Variants in CD180 observed in about 807,000 individuals in gnomAD.
CD180 encodes CD180 molecule, also known as CD180 antigen.
A neutral mutation model predicts 10.7 loss-of-function variants in CD180; 11 were observed. The ratio of observed to expected loss-of-function variants is 1.03; its 90% CI spans 0.65 to 1.70. The LOEUF (loss-of-function observed/expected upper bound fraction) is 1.70, where lower values mean the gene tolerates loss of function less well. CD180 is among the 40% of genes most tolerant of loss of function. The pLI, the probability that CD180 is intolerant of heterozygous loss-of-function variation, is 0.00. For synonymous variants in CD180, 286 were observed against 294.6 expected (o/e 0.97, Z 0.30); for missense variants, 729 against 775.2 (o/e 0.94, Z 0.71).
At position 67,179,700 on chromosome 5, in the gene CD180, C is replaced by A. The variant is rs1742001708; in HGVS notation, c.*3157G>T. On this transcript the variant is annotated 3_prime_UTR_variant, in exon 3 of 3. Coordinates refer to ENST00000256447, the MANE Select transcript of CD180 (RefSeq NM_005582.3). Reference sequence around the variant, plus strand: ...TAAGAATGGCACGACAGTTTTCTGTCTTGGAATTTTACAGATATTGCCTGT... The same window carrying A: ...TAAGAATGGCACGACAGTTTTCTGTATTGGAATTTTACAGATATTGCCTGT... 6.6e-6 allele frequency: 1 copy of A among 152,242 alleles called. No individual in the cohort carries two copies. The highest frequency in any genetic ancestry group is 2.1e-4 in the South Asian group (1 of 4,830). 9.4% of individuals were successfully genotyped at this position (152,242 alleles called of 1,614,324 possible).
intron 2 of CD180, among the ~76,000 whole-genome samples, chr5:67,185,322 C>CAT (rs1742169494): frequency 6.6e-6 from 1 of 151,132 alleles, no homozygotes; most frequent in Non-Finnish European, 1.5e-5. Context: ...CACACACACA[C>CAT]ACACACGCAG....
intron 1 of CD180, among the ~76,000 whole-genome samples, chr5:67,195,418 T>C (rs1178815234): frequency 6.6e-6 from 1 of 152,208 alleles, no homozygotes; most frequent in African/African-American, 2.4e-5. Flanking sequence ...GGTTTTGCCA[T>C]GTTGCCCAGA....
chr5:67,185,829 C>T (rs756455011), intron 2 of CD180, 22 bp downstream of exon 2: 2 of 1,525,470 alleles, frequency 1.3e-6, no homozygotes, highest in Admixed American at 4.3e-5. Flanking sequence ...TAAAAGAGCA[C>T]ACAAATAACT....
chr5:67,184,483 C>T lies in CD180; in HGVS notation c.360G>A (p.Ser120=), dbSNP rs774348207. ...GNPLIFMAET[S]LNGPKSLKHL... is the part of the protein sequence containing the mutation. ...GCTTCAGTGACTTGGGCCCATTAAG[C>T]GATGTTTCTGCCATGAATATCAGGG... Residue 120 remains serine (S), a synonymous_variant, in exon 3 of 3, where the codon TCG becomes TCA. Transcript: ENST00000256447. The T allele has an allele frequency of 3.3e-5, 53 of 1,613,952 alleles. No individual in the cohort carries two copies. The highest frequency in any genetic ancestry group is 9.9e-5 in the South Asian group (9 of 91,082).
intron 1 of CD180, among the ~76,000 whole-genome samples, chr5:67,192,754 C>G (rs1197613884): frequency 6.6e-6 from 1 of 152,164 alleles, no homozygotes; most frequent in Non-Finnish European, 1.5e-5. Context: ...AACATGAGAT[C>G]TGGGCAGGGA....
At chr5:67,187,847 C>T (rs1441271983) in intron 1 of CD180, among the ~76,000 whole-genome samples, 1 of 152,138 alleles carries the variant, frequency 6.6e-6, no homozygotes, top group African/African-American at 2.4e-5. Flanking sequence ...GAAGATTCCA[C>T]ACTCATGAAT....
chr5:67,186,111 C>T (rs1742189680), intron 1 of CD180, 94 bp from the exon 2 acceptor site: 17 of 761,980 alleles, frequency 2.2e-5, no homozygotes, highest in South Asian at 1.0e-4. Context: ...GAGCGGCAAT[C>T]GTACTTCTAG....
Position 67,183,813 on chromosome 5 carries a change from A to T in CD180, c.1030T>A (p.Phe344Ile), listed in dbSNP as rs1284094515. The T allele has an allele frequency of 6.2e-7, 1 of 1,614,076 alleles. No homozygotes were observed. ...ATGTAGAGGTGTGTAAGGGAGGGGAAATTGGCAGCACTGATTTGACACAAT... is the reference window on the plus strand; with the variant it reads ...ATGTAGAGGTGTGTAAGGGAGGGGATATTGGCAGCACTGATTTGACACAAT... ...DQLCQISAAN[F>I]PSLTHLYIRG... is the part of the protein sequence containing the mutation. The change falls in exon 3 of 3, where the codon TTC (phenylalanine) becomes ATC (isoleucine). Residue 344 changes from phenylalanine to isoleucine, a missense_variant. Transcript: ENST00000256447.
Position 67,184,341 on chromosome 5 carries a change from TG to T in CD180, c.501del (p.Asp169ThrfsTer7). On this transcript the variant is annotated frameshift_variant, in exon 3 of 3. Coordinates refer to ENST00000256447, the MANE Select transcript of CD180 (RefSeq NM_005582.3). LOFTEE classifies it low-confidence loss of function (END_TRUNC). ...TTCAGATTCCGTGCTGGGAAGTCTT[TG>T]GGGAACTTAATGGAGGAAATATGGT... The part of the protein sequence containing the change: ...GSNHISSIKF[P>X]KDFPARNLKV... The T allele has an allele frequency of 1.9e-6, 3 of 1,614,192 alleles. No individual in the cohort carries two copies. Among genetic ancestry groups the T allele is most frequent in the Non-Finnish European group, 2.5e-6 (3 of 1,180,028 alleles).
rs191768798 is a variant in CD180 at position 67,180,720 on chromosome 5, C to G, written c.*2137G>C. 2.6e-5 allele frequency: 4 copies of G among 152,062 alleles called. No individual in the cohort carries two copies. Among genetic ancestry groups the G allele is most frequent in the Admixed American group, 1.3e-4 (2 of 15,244 alleles). 9.4% of individuals were successfully genotyped at this position (152,062 alleles called of 1,614,324 possible). ...TATTAAAAATATATTGAATCTTGGC[C>G]GGGCACGATGGCTCTCATCTGTAAT... is the stretch of plus-strand genomic sequence containing the variant. On this transcript the variant is annotated 3_prime_UTR_variant, in exon 3 of 3. Transcript: ENST00000256447.
chr5:67,184,720 A>T (rs527522157), intron 2 of CD180, 135 bp from the exon 3 acceptor site: 7 of 724,652 alleles, frequency 9.7e-6, no homozygotes. Flanking sequence ...ATATCAACAG[A>T]TGGCCTATTG....
intron 1 of CD180, 51 bp downstream of exon 1, chr5:67,196,501 C>G (rs761546034): frequency 6.3e-7 from 1 of 1,599,130 alleles, no homozygotes; most frequent in African/African-American, 1.3e-5. Flanking sequence ...TGCTAAATCT[C>G]AAAATTTTCA....
chr5:67,184,674 T>C, intron 2 of CD180, 89 bp from the exon 3 acceptor site: 1 of 1,096,278 alleles, frequency 9.1e-7, no homozygotes, highest in South Asian at 1.6e-5. Context: ...AGTCATCTTT[T>C]GTATCATTCA....
intron 1 of CD180, chr5:67,190,965 A>T (rs1040478600): frequency 2.0e-6 from 2 of 985,230 alleles, no homozygotes; most frequent in African/African-American, 3.5e-5. Flanking sequence ...CGCTTGACAC[A>T]CGCAGCAGCC....
At chr5:67,194,048 T>A (rs1315337023) in intron 1 of CD180, among the ~76,000 whole-genome samples, 1 of 152,220 alleles carries the variant, frequency 6.6e-6, no homozygotes, top group African/African-American at 2.4e-5. Flanking sequence ...TGCAAAATTA[T>A]GACAGCAAGA....
chr5:67,183,303 G>T lies in CD180; in HGVS notation c.1540C>A (p.Gln514Lys). 6.2e-7 allele frequency: 1 copy of T among 1,614,142 alleles called. No individual in the cohort carries two copies. The highest frequency in any genetic ancestry group is 8.5e-7 in the Non-Finnish European group (1 of 1,179,988). The change falls in exon 3 of 3, where the codon CAA becomes AAA. Residue 514 changes from glutamine to lysine, a missense_variant. By Grantham distance (53) the Gln-to-Lys change is moderately conservative. Transcript: ENST00000256447. The stretch of plus-strand genomic sequence containing the variant: ...ATTTTTCCCAAGCTGTGGAATGCTT[G>T]CTGGTCTATAGAGAGGAGACCACAA... Reference protein sequence around the residue: ...SSCGLLSIDQQAFHSLGKMSH... With the variant: ...SSCGLLSIDQKAFHSLGKMSH...
At chr5:67,190,834 A>C in intron 1 of CD180, 29 of 586,528 alleles carry the variant, frequency 4.9e-5, no homozygotes, top group South Asian at 7.5e-5. Context: ...CTTCTGCTGT[A>C]TATCTAACTC....
At chr5:67,186,667 C>G (rs1742199873) in intron 1 of CD180, among the ~76,000 whole-genome samples, 1 of 152,098 alleles carries the variant, frequency 6.6e-6, no homozygotes, top group African/African-American at 2.4e-5. Context: ...ATAAGACAAT[C>G]AAACATTACA....
intron 1 of CD180, among the ~76,000 whole-genome samples, chr5:67,193,119 G>A (rs374029911): frequency 7.3e-4 from 111 of 152,350 alleles, no homozygotes; most frequent in African/African-American, 2.5e-3. Flanking sequence ...GCCAAAGGCC[G>A]TGTCTCCTCA....
Sources: gnomAD v4.1 joint callset for allele counts (sites outside exome capture counted in the v4.1 genomes callset) on GRCh38, gnomAD v4.1.1 for gene constraint, MANE v1.5 for transcripts, NCBI Gene and HGNC (gene_info 2026-07-23, HGNC 2026-07-21) for gene names.